The following OR4C3 variants were observed in gnomAD, a reference collection of about 807,000 sequenced individuals.
OR4C3 encodes olfactory receptor family 4 subfamily C member 3.
For synonymous variants in OR4C3, 186 were observed against 140.1 expected (o/e 1.33, Z -2.31); for missense variants, 439 against 360.7 (o/e 1.22, Z -1.76).
At position 48,325,779 on chromosome 11, in the gene OR4C3, T is replaced by A. The variant is rs763784309; in HGVS notation, c.758T>A (p.Ile253Lys). The change falls in exon 1 of 1, where the codon ATA becomes AAA. Residue 253 changes from isoleucine (I) to lysine (K), a missense_variant. Physicochemically the swap from Ile to Lys is moderately radical, Grantham distance 102. Transcript: ENST00000319856. ...GTTGCCTTGTTCTTTGTGCCCTGTA[T>A]ATTTACTTATGTGCATCCATTTTCT... ...IVVALFFVPC[I>K]FTYVHPFSTL... The A allele has an allele frequency of 2.5e-6, 4 of 1,612,498 alleles. No individual in the cohort carries two copies. The highest frequency in any genetic ancestry group is 1.3e-5 in the African/African-American group (1 of 74,982).
rs777189923 is a variant in OR4C3, at chr11:48,325,928, T to C, written c.907T>C (p.Ter303GlnextTer7). 1.3e-6 allele frequency: 2 copies of C among 1,489,848 alleles called. No individual in the cohort carries two copies. The highest frequency in any genetic ancestry group is 2.8e-5 in the African/African-American group (2 of 71,384). 92.3% of individuals were successfully genotyped at this position (1,489,848 alleles called of 1,614,324 possible). Reference sequence around the variant, plus strand: ...TGCCATGAGAAAGCTCTTTACATGGTAAGAAATTGCAGGTGGAAAATGAGT... The same window carrying C: ...TGCCATGAGAAAGCTCTTTACATGGCAAGAAATTGCAGGTGGAAAATGAGT... ...KNAMRKLFTW[*>Q] The change falls in exon 1 of 1, where the codon TAA becomes CAA. Residue 303 changes from the stop codon to glutamine (Q), a stop_lost. Coordinates refer to ENST00000319856, the MANE Select transcript of OR4C3 (RefSeq NM_001004702.2).
Position 48,325,559 on chromosome 11 carries a change from T to A in OR4C3, c.538T>A (p.Tyr180Asn). Residue 180 changes from tyrosine (Y) to asparagine (N), a missense_variant, in exon 1 of 1, where the codon TAC (tyrosine) becomes AAC (asparagine). Physicochemically the swap from Tyr to Asn is moderately radical, Grantham distance 143 (BLOSUM62 -2). Coordinates refer to ENST00000319856, the MANE Select transcript of OR4C3 (RefSeq NM_001004702.2). The stretch of plus-strand genomic sequence containing the variant: ...GATCAATCACTTTGCCTGTGACTTG[T>A]ACCCTTTGCTGGAAGTTGCCTGCAC... Reference protein sequence around the residue: ...NVINHFACDLYPLLEVACTNT... With the variant: ...NVINHFACDLNPLLEVACTNT... The A allele has an allele frequency of 6.2e-7, 1 of 1,613,986 alleles. No homozygotes were observed. The highest frequency in any genetic ancestry group is 1.1e-5 in the South Asian group (1 of 91,046).
chr11:48,325,101 T>G lies in OR4C3; in HGVS notation c.80T>G (p.Val27Gly), dbSNP rs1289713917. 6.2e-7 allele frequency: 1 copy of G among 1,614,202 alleles called. No homozygotes were observed. Among genetic ancestry groups the G allele is most frequent in the Admixed American group, 1.7e-5 (1 of 60,022 alleles). Residue 27 changes from valine to glycine, a missense_variant, in exon 1 of 1, where the codon GTG (valine) becomes GGG (glycine). Val to Gly is a moderately radical substitution (Grantham distance 109). Coordinates refer to ENST00000319856, the MANE Select transcript of OR4C3 (RefSeq NM_001004702.2). The part of the protein sequence containing the change: ...QNSEVQRVLF[V>G]VFLLIYVVTV... ...TCAGAGGTACAGAGAGTTCTCTTTG[T>G]GGTCTTTTTGCTGATCTATGTGGTC... is the stretch of plus-strand genomic sequence containing the variant.
Position 48,325,559 on chromosome 11 carries a change from T to C in OR4C3, c.538T>C (p.Tyr180His), listed in dbSNP as rs1852206678. 6.2e-7 allele frequency: 1 copy of C among 1,613,870 alleles called. No individual in the cohort carries two copies. Among genetic ancestry groups the C allele is most frequent in the African/African-American group, 1.3e-5 (1 of 74,902 alleles). ...NVINHFACDL[Y>H]PLLEVACTNT... ...GATCAATCACTTTGCCTGTGACTTG[T>C]ACCCTTTGCTGGAAGTTGCCTGCAC... The change falls in exon 1 of 1, where the codon TAC becomes CAC. Residue 180 changes from tyrosine to histidine, a missense_variant. Physicochemically the swap from Tyr to His is moderately conservative, Grantham distance 83. Transcript: ENST00000319856.
chr11:48,325,808 T>G lies in OR4C3; in HGVS notation c.787T>G (p.Leu263Val). The G allele has an allele frequency of 6.2e-7, 1 of 1,610,582 alleles. No homozygotes were observed. The highest frequency in any genetic ancestry group is 8.5e-7 in the Non-Finnish European group (1 of 1,178,624). ...IFTYVHPFST[L>V]PIDKNMALFY... The stretch of plus-strand genomic sequence containing the variant: ...TACTTATGTGCATCCATTTTCTACT[T>G]TACCTATAGACAAAAATATGGCATT... Residue 263 changes from leucine to valine, a missense_variant, in exon 1 of 1, where the codon TTA becomes GTA. Coordinates refer to ENST00000319856, the MANE Select transcript of OR4C3 (RefSeq NM_001004702.2).
chr11:48,325,112 C>T lies in OR4C3; in HGVS notation c.91C>T (p.Leu31=). 4 of 1,614,118 alleles carry T rather than the reference C, an allele frequency of 2.5e-6. No individual in the cohort carries two copies. Among genetic ancestry groups the T allele is most frequent in the Non-Finnish European group, 3.4e-6 (4 of 1,180,004 alleles). ...VQRVLFVVFL[L]IYVVTVCGNM... ...GAGAGTTCTCTTTGTGGTCTTTTTG[C>T]TGATCTATGTGGTCACGGTTTGTGG... Residue 31 remains leucine, a synonymous_variant, in exon 1 of 1, where the codon CTG becomes TTG. Coordinates refer to ENST00000319856, the MANE Select transcript of OR4C3 (RefSeq NM_001004702.2).
rs752389848 is a variant in OR4C3 at position 48,325,521 on chromosome 11, G to A, written c.500G>A (p.Cys167Tyr). The A allele has an allele frequency of 7.4e-6, 12 of 1,613,788 alleles. No homozygotes were observed. Among genetic ancestry groups the A allele is most frequent in the Non-Finnish European group, 1.0e-5 (12 of 1,179,850 alleles). Reference protein sequence around the residue: ...QLLLVLWLPFCGPNVINHFAC... With the variant: ...QLLLVLWLPFYGPNVINHFAC... ...CTCCTGGTCCTTTGGTTGCCCTTCTGTGGGCCCAATGTGATCAATCACTTT... is the reference window on the plus strand; with the variant it reads ...CTCCTGGTCCTTTGGTTGCCCTTCTATGGGCCCAATGTGATCAATCACTTT... The change falls in exon 1 of 1, where the codon TGT (cysteine) becomes TAT (tyrosine). Residue 167 changes from cysteine to tyrosine, a missense_variant. Coordinates refer to ENST00000319856, the MANE Select transcript of OR4C3 (RefSeq NM_001004702.2).
Position 48,324,935 on chromosome 11 carries a change from T to C in OR4C3, c.-87T>C, listed in dbSNP as rs537948366. ...ATTAAAGGAAAACTTGCAATGTTTT[T>C]CCCCCATGCAATTAGTTCTATTACT... On this transcript the variant is annotated 5_prime_UTR_variant, in exon 1 of 1. Coordinates refer to ENST00000319856, the MANE Select transcript of OR4C3 (RefSeq NM_001004702.2). 3.2e-5 allele frequency: 50 copies of C among 1,567,758 alleles called. No individual in the cohort carries two copies. The East Asian group carries it at 7.2e-4, about 23-fold the overall frequency.
In OR4C3 at chr11:48,325,701, G is replaced by A. The variant is rs1286725874; in HGVS notation, c.680G>A (p.Ser227Asn). 2 of 1,614,034 alleles carry A rather than the reference G, an allele frequency of 1.2e-6. No individual in the cohort carries two copies. Among genetic ancestry groups the A allele is most frequent in the Non-Finnish European group, 1.7e-6 (2 of 1,179,920 alleles). ...ATCCTGTACTCCTTGAGGTCCCACAGTGCAGATGGGAGATGCAAAGCCCTC... is the reference window on the plus strand; with the variant it reads ...ATCCTGTACTCCTTGAGGTCCCACAATGCAGATGGGAGATGCAAAGCCCTC... ...IVILYSLRSH[S>N]ADGRCKALST... is the part of the protein sequence containing the mutation. Residue 227 changes from serine (S) to asparagine (N), a missense_variant, in exon 1 of 1, where the codon AGT becomes AAT. Ser to Asn is a conservative substitution (Grantham distance 46, BLOSUM62 1). Transcript: ENST00000319856.
rs750474891 is a variant in OR4C3 at position 48,324,988 on chromosome 11, T to TA, written c.-33dup. 4.3e-6 allele frequency: 7 copies of TA among 1,612,722 alleles called. No homozygotes were observed. The highest frequency in any genetic ancestry group is 5.9e-6 in the Non-Finnish European group (7 of 1,179,306). On this transcript the variant is annotated 5_prime_UTR_variant, in exon 1 of 1. It introduces an in-frame stop codon into an upstream open reading frame of the 5' UTR. Coordinates refer to ENST00000319856, the MANE Select transcript of OR4C3 (RefSeq NM_001004702.2). Reference sequence around the variant, plus strand: ...TGTTTCTCCTTGTCTTTATAGGCAATACTGCACCTGCATTCTCAGTGACCT... The same window carrying TA: ...TGTTTCTCCTTGTCTTTATAGGCAATAACTGCACCTGCATTCTCAGTGACCT...
rs1169961706 is a variant in OR4C3, at chr11:48,325,460, T to G, written c.439T>G (p.Trp147Gly). 6.2e-7 allele frequency: 1 copy of G among 1,613,764 alleles called. No individual in the cohort carries two copies. Among genetic ancestry groups the G allele is most frequent in the Admixed American group, 1.7e-5 (1 of 60,000 alleles). The part of the protein sequence containing the change: ...HLCAMLVGVA[W>G]LGGFLHSLVQ... Reference sequence around the variant, plus strand: ...CTGTGCCATGCTTGTAGGGGTGGCTTGGCTTGGGGGCTTCCTGCATTCATT... The same window carrying G: ...CTGTGCCATGCTTGTAGGGGTGGCTGGGCTTGGGGGCTTCCTGCATTCATT... The change falls in exon 1 of 1, where the codon TGG (tryptophan) becomes GGG (glycine). Residue 147 changes from tryptophan to glycine, a missense_variant. Physicochemically the swap from Trp to Gly is radical, Grantham distance 184. Coordinates refer to ENST00000319856, the MANE Select transcript of OR4C3 (RefSeq NM_001004702.2).
In OR4C3 at chr11:48,325,309, G is replaced by A; in HGVS notation, c.288G>A (p.Met96Ile). Residue 96 changes from methionine to isoleucine, a missense_variant, in exon 1 of 1, where the codon ATG becomes ATA. Met to Ile is a conservative substitution (Grantham distance 10). Coordinates refer to ENST00000319856, the MANE Select transcript of OR4C3 (RefSeq NM_001004702.2). ...GAACCATCTCTTATGAGTGCTGCATGGCTCAGCTCTTTGGAGCTCATTTTT... is the reference window on the plus strand; with the variant it reads ...GAACCATCTCTTATGAGTGCTGCATAGCTCAGCTCTTTGGAGCTCATTTTT... ...EGRTISYECC[M>I]AQLFGAHFLG... 6.2e-7 allele frequency: 1 copy of A among 1,614,152 alleles called. No individual in the cohort carries two copies. Among genetic ancestry groups the A allele is most frequent in the Non-Finnish European group, 8.5e-7 (1 of 1,180,020 alleles).
rs200135791 is a variant in OR4C3 at position 48,325,339 on chromosome 11, A to T, written c.318A>T (p.Gly106=). 2 of 1,613,608 alleles carry T rather than the reference A, an allele frequency of 1.2e-6. No homozygotes were observed. The highest frequency in any genetic ancestry group is 4.5e-5 in the East Asian group (2 of 44,870). Residue 106 remains glycine, a synonymous_variant, in exon 1 of 1, where the codon GGA becomes GGT. Transcript: ENST00000319856. ...MAQLFGAHFL[G]GVEIILLTVM... ...AGCTCTTTGGAGCTCATTTTTTGGG[A>T]GGTGTTGAGATCATTCTGCTCACAG...
chr11:48,325,699 C>G lies in OR4C3; in HGVS notation c.678C>G (p.His226Gln), dbSNP rs781696402. Reference sequence around the variant, plus strand: ...TCATCCTGTACTCCTTGAGGTCCCACAGTGCAGATGGGAGATGCAAAGCCC... The same window carrying G: ...TCATCCTGTACTCCTTGAGGTCCCAGAGTGCAGATGGGAGATGCAAAGCCC... The part of the protein sequence containing the change: ...YIVILYSLRS[H>Q]SADGRCKALS... Residue 226 changes from histidine to glutamine, a missense_variant, in exon 1 of 1, where the codon CAC becomes CAG. Transcript: ENST00000319856. The G allele has an allele frequency of 2.4e-5, 39 of 1,613,914 alleles. No individual in the cohort carries two copies. In the South Asian group the frequency reaches 3.5e-4, roughly 15 times the overall value.
At position 48,325,381 on chromosome 11, in the gene OR4C3, C is replaced by T. The variant is rs1852202669; in HGVS notation, c.360C>T (p.Arg120=). ...IILLTVMAYD[R]YVAICKPLHN... ...TGCTCACAGTGATGGCTTATGACCGCTATGTGGCCATCTGTAAGCCCCTGC... is the reference window on the plus strand; with the variant it reads ...TGCTCACAGTGATGGCTTATGACCGTTATGTGGCCATCTGTAAGCCCCTGC... The change falls in exon 1 of 1, where the codon CGC becomes CGT. Residue 120 remains arginine (R), a synonymous_variant. Coordinates refer to ENST00000319856, the MANE Select transcript of OR4C3 (RefSeq NM_001004702.2). 4 of 1,614,102 alleles carry T rather than the reference C, an allele frequency of 2.5e-6. No individual in the cohort carries two copies. In the African/African-American group the frequency reaches 4.0e-5, roughly 16 times the overall value.
At position 48,325,133 on chromosome 11, in the gene OR4C3, T is replaced by C; in HGVS notation, c.112T>C (p.Cys38Arg). 3 of 1,598,008 alleles carry C rather than the reference T, an allele frequency of 1.9e-6. No homozygotes were observed. The highest frequency in any genetic ancestry group is 2.6e-6 in the Non-Finnish European group (3 of 1,166,012). The change falls in exon 1 of 1, where the codon TGT (cysteine) becomes CGT (arginine). Residue 38 changes from cysteine to arginine, a missense_variant. Transcript: ENST00000319856. ...VFLLIYVVTV[C>R]GNMLIVVTIT... ...TTTGCTGATCTATGTGGTCACGGTT[T>C]GTGGCAACATGCTCATTGTGGTCAC...
rs756362343 is a variant in OR4C3, at chr11:48,325,602, G to T, written c.581G>T (p.Gly194Val). The change falls in exon 1 of 1, where the codon GGT (glycine) becomes GTT (valine). Residue 194 changes from glycine to valine, a missense_variant. Coordinates refer to ENST00000319856, the MANE Select transcript of OR4C3 (RefSeq NM_001004702.2). ...EVACTNTYVIGLLVVANSGLI... is the reference protein window; with the variant it reads ...EVACTNTYVIVLLVVANSGLI... ...GCCTGCACCAATACGTATGTCATTG[G>T]TCTGCTGGTGGTTGCCAACAGTGGT... is the stretch of plus-strand genomic sequence containing the variant. The T allele has an allele frequency of 8.9e-5, 144 of 1,613,944 alleles. No homozygotes were observed. The highest frequency in any genetic ancestry group is 2.7e-5 in the Non-Finnish European group (32 of 1,180,038).
In OR4C3 at chr11:48,325,578, C is replaced by T. The variant is rs77395846; in HGVS notation, c.557C>T (p.Ala186Val). The T allele has an allele frequency of 1.2e-6, 2 of 1,613,944 alleles. No homozygotes were observed. Among genetic ancestry groups the T allele is most frequent in the South Asian group, 2.2e-5 (2 of 91,040 alleles). ...GACTTGTACCCTTTGCTGGAAGTTG[C>T]CTGCACCAATACGTATGTCATTGGT... is the stretch of plus-strand genomic sequence containing the variant. Reference protein sequence around the residue: ...ACDLYPLLEVACTNTYVIGLL... With the variant: ...ACDLYPLLEVVCTNTYVIGLL... Residue 186 changes from alanine (A) to valine (V), a missense_variant, in exon 1 of 1, where the codon GCC (alanine) becomes GTC (valine). Coordinates refer to ENST00000319856, the MANE Select transcript of OR4C3 (RefSeq NM_001004702.2).
chr11:48,324,927 A>C lies in OR4C3; in HGVS notation c.-95A>C. The C allele has an allele frequency of 6.4e-7, 1 of 1,553,154 alleles. No homozygotes were observed. Among genetic ancestry groups the C allele is most frequent in the Non-Finnish European group, 8.7e-7 (1 of 1,151,960 alleles). On this transcript the variant is annotated 5_prime_UTR_variant, in exon 1 of 1. Coordinates refer to ENST00000319856, the MANE Select transcript of OR4C3 (RefSeq NM_001004702.2). ...AAGGATATATTAAAGGAAAACTTGC[A>C]ATGTTTTTCCCCCATGCAATTAGTT... is the stretch of plus-strand genomic sequence containing the variant.
Sources: allele counts gnomAD v4.1 joint callset, GRCh38; gene constraint gnomAD v4.1.1; transcripts MANE v1.5; gene names NCBI Gene and HGNC (gene_info 2026-07-23, HGNC 2026-07-21).